The following FER variants were observed in gnomAD, a reference collection of about 807,000 sequenced individuals.
FER encodes the protein FER tyrosine kinase, also known as tyrosine-protein kinase Fer.
In FER, 63 loss-of-function variants were observed where a neutral mutation model predicts 111.0. The ratio of observed to expected loss-of-function variants is 0.57; its 90% CI spans 0.46 to 0.70. FER has a LOEUF of 0.70. Ranked by LOEUF, FER falls within the 30% of genes least tolerant of loss-of-function variation. The probability of loss-of-function intolerance (pLI) is 0.00; values close to 1 mark genes in which losing one functional copy is unlikely to be tolerated. For synonymous variants in FER, 327 were observed against 313.9 expected (o/e 1.04, Z -0.44); for missense variants, 914 against 954.0 (o/e 0.96, Z 0.55).
chr5:108,891,438 G>A (rs1748031747), intron 9 of FER: 1 of 151,710 alleles, frequency 6.6e-6, no homozygotes, highest in Admixed American at 6.6e-5. Flanking sequence ...TCCATTTTAG[G>A]CTGGTCCGAA....
intron 2 of FER, among the ~76,000 whole-genome samples, chr5:108,779,855 G>A (rs900940184): frequency 2.0e-5 from 3 of 152,146 alleles, no homozygotes; most frequent in Non-Finnish European, 2.9e-5. Context: ...GGACAACCTT[G>A]CCTTGTTCCG....
chr5:109,126,722 C>T (rs1179390583), intron 17 of FER, among the ~76,000 whole-genome samples: 1 of 152,058 alleles, frequency 6.6e-6, no homozygotes, highest in Admixed American at 6.6e-5. Context: ...TGCTCCTTGT[C>T]ATTATGTAAC....
In FER at chr5:109,052,297, C is replaced by T. The variant is rs547173642; in HGVS notation, c.1924+5099C>T. 36 of 1,608,930 alleles carry T rather than the reference C, an allele frequency of 2.2e-5. No individual in the cohort carries two copies. The South Asian group carries it at 3.4e-4, about 15-fold the overall frequency. ...TTCACAACCAGGTTGCTGAGTGTTA[C>T]AACGAAAGGCAGACTGCTCATCTCC... is the stretch of plus-strand genomic sequence containing the variant. On this transcript the variant is annotated intron_variant, in intron 16 of 19. Coordinates refer to ENST00000281092, the MANE Select transcript of FER (RefSeq NM_005246.4).
At chr5:108,869,446 G>C (rs1285410106) in intron 6 of FER, among the ~76,000 whole-genome samples, 1 of 151,622 alleles carries the variant, frequency 6.6e-6, no homozygotes, top group Non-Finnish European at 1.5e-5. Context: ...GAACTTATTT[G>C]GAAATAGGGT....
intron 8 of FER, among the ~76,000 whole-genome samples, chr5:108,879,772 C>T (rs1315628850): frequency 2.0e-5 from 3 of 146,418 alleles, no homozygotes; most frequent in East Asian, 2.0e-4. Context: ...TGCAGTGGCA[C>T]GATCTTGGGT....
chr5:109,029,516 C>G (rs999920905), intron 13 of FER, among the ~76,000 whole-genome samples: 3 of 149,052 alleles, frequency 2.0e-5, no homozygotes, highest in African/African-American at 7.5e-5. Context: ...AAGCAATCCT[C>G]CTGCCTCGGC....
At chr5:109,154,450 A>G (rs1755155975) in intron 17 of FER, among the ~76,000 whole-genome samples, 2 of 151,938 alleles carry the variant, frequency 1.3e-5, no homozygotes, top group South Asian at 4.1e-4. Flanking sequence ...AAAGTAGGAA[A>G]GAAACTTTTT....
chr5:109,061,659 C>T (rs1035930342), intron 16 of FER, among the ~76,000 whole-genome samples: 1 of 152,106 alleles, frequency 6.6e-6, no homozygotes, highest in African/African-American at 2.4e-5. Context: ...AATTTCTCAA[C>T]CTTGTGCATA....
chr5:109,192,643 C>T lies in FER; in HGVS notation c.*5068C>T, dbSNP rs1374525923. 1 of 152,114 alleles carries T rather than the reference C, an allele frequency of 6.6e-6. No homozygotes were observed. Among genetic ancestry groups the T allele is most frequent in the Non-Finnish European group, 1.5e-5 (1 of 68,022 alleles). 9.4% of individuals were successfully genotyped at this position (152,114 alleles called of 1,614,324 possible). A position where few individuals can be genotyped will look rare whatever the true frequency, so the allele number is the denominator to read the frequency against. ...AAGCTAAGATCACTGATTATCCACA[C>T]GTTATTAGAAATCTTTGGTTACAGT... is the stretch of plus-strand genomic sequence containing the variant. On this transcript the variant is annotated 3_prime_UTR_variant, in exon 20 of 20. Transcript: ENST00000281092.
At chr5:109,131,066 A>G (rs1349729409) in intron 17 of FER, among the ~76,000 whole-genome samples, 1 of 152,154 alleles carries the variant, frequency 6.6e-6, no homozygotes, top group African/African-American at 2.4e-5. Flanking sequence ...CACTCAATAT[A>G]TGTTTGTCGC....
chr5:108,873,409 T>A (rs561407869), intron 8 of FER, among the ~76,000 whole-genome samples: 2 of 152,146 alleles, frequency 1.3e-5, no homozygotes, highest in Non-Finnish European at 2.9e-5. Context: ...CCTGCCAGAG[T>A]GCTGGGATTA....
chr5:109,121,769 C>A (rs988808996), intron 17 of FER, among the ~76,000 whole-genome samples: 3 of 151,988 alleles, frequency 2.0e-5, no homozygotes, highest in Non-Finnish European at 4.4e-5. Context: ...GCTTTAATCT[C>A]ATTACTTGTT....
chr5:109,076,011 A>G (rs1160542163), intron 16 of FER, among the ~76,000 whole-genome samples: 1 of 152,090 alleles, frequency 6.6e-6, no homozygotes, highest in Non-Finnish European at 1.5e-5. Flanking sequence ...AAGCTATTTC[A>G]GGGAACACAT....
chr5:108,884,109 C>T (rs1042588127), intron 9 of FER, among the ~76,000 whole-genome samples: 1 of 151,980 alleles, frequency 6.6e-6, no homozygotes, highest in African/African-American at 2.4e-5. Flanking sequence ...CTTCAAGTTT[C>T]TAATCTGCTT....
At chr5:109,182,599 C>G (rs191521275) in intron 18 of FER, among the ~76,000 whole-genome samples, 9 of 152,136 alleles carry the variant, frequency 5.9e-5, no homozygotes, top group Non-Finnish European at 1.2e-4. Context: ...GAAGCTGTAA[C>G]TGGGCTTGGG....
At chr5:109,173,976 G>C (rs1225672517) in intron 17 of FER, among the ~76,000 whole-genome samples, 1 of 152,168 alleles carries the variant, frequency 6.6e-6, no homozygotes, top group Non-Finnish European at 1.5e-5. Context: ...CATTCAAAGA[G>C]GCGGGACTTC....
rs947725127 is a variant in FER, at chr5:109,044,562, C to T, written c.1714-118C>T. ...GTATGTCTGATAGAAATTAGTTCAT[C>T]ACTGGTGATATTGACATGTAGGTAA... is the stretch of plus-strand genomic sequence containing the variant. On this transcript the variant is annotated intron_variant, in intron 14 of 19. Coordinates refer to ENST00000281092, the MANE Select transcript of FER (RefSeq NM_005246.4). 30 of 556,470 alleles carry T rather than the reference C, an allele frequency of 5.4e-5. No individual in the cohort carries two copies. In the East Asian group the frequency reaches 7.8e-4, roughly 14 times the overall value. 34.5% of individuals were successfully genotyped at this position (556,470 alleles called of 1,614,324 possible). A position where few individuals can be genotyped will look rare whatever the true frequency, so the allele number is the denominator to read the frequency against.
At chr5:109,092,715 TA>T (rs1746981027) in intron 16 of FER, among the ~76,000 whole-genome samples, 2 of 152,144 alleles carry the variant, frequency 1.3e-5, no homozygotes, top group African/African-American at 4.8e-5. Flanking sequence ...CTCAAAAAAT[TA>T]AAACTGGAAC....
At chr5:108,819,055 G>A (rs1036664209) in intron 3 of FER, among the ~76,000 whole-genome samples, 3 of 151,904 alleles carry the variant, frequency 2.0e-5, no homozygotes, top group Admixed American at 6.6e-5. Context: ...TAGCTCTGTC[G>A]CTTAGGCTGG....
Sources: gnomAD v4.1 joint callset for allele counts (sites outside exome capture counted in the v4.1 genomes callset) on GRCh38, gnomAD v4.1.1 for gene constraint, MANE v1.5 for transcripts, NCBI Gene and HGNC (gene_info 2026-07-23, HGNC 2026-07-21) for gene names.